NBEA: variants seen among roughly 807,000 people sequenced by gnomAD.
The protein encoded by NBEA is neurobeachin, also known as lysosomal-trafficking regulator 2.
A neutral mutation model predicts 343.4 loss-of-function variants in NBEA; 44 were observed. The ratio of observed to expected loss-of-function variants is 0.13; its 90% confidence interval spans 0.10 to 0.16. The LOEUF is 0.16. NBEA is among the 10% of genes least tolerant of loss of function. The pLI, the probability that NBEA is intolerant of heterozygous loss-of-function variation, is 1.00. For missense variants in NBEA, 2,555 were observed against 3,631.3 expected (o/e 0.70, Z 7.62); for synonymous variants, 1,175 against 1,238.7 (o/e 0.95, Z 1.08).
At chr13:35,658,339 A>G (rs1172802365) in intron 55 of NBEA, among the ~76,000 whole-genome samples, 2 of 152,210 alleles carry the variant, frequency 1.3e-5, no homozygotes, top group Non-Finnish European at 2.9e-5. Context: ...CCATCCTGTC[A>G]AGACTTTATT....
At chr13:35,545,004 T>C (rs2079001312) in intron 41 of NBEA, among the ~76,000 whole-genome samples, 1 of 152,104 alleles carries the variant, frequency 6.6e-6, no homozygotes. Context: ...ACCACAAACC[T>C]CAAGTATACA....
intron 1 of NBEA, among the ~76,000 whole-genome samples, chr13:34,975,997 TG>T (rs2060160494): frequency 6.6e-6 from 1 of 152,180 alleles, no homozygotes; most frequent in Non-Finnish European, 1.5e-5. Context: ...CTACAACCAT[TG>T]TGGAAAACAG....
chr13:35,180,252 T>C (rs2071219293), intron 28 of NBEA, among the ~76,000 whole-genome samples: 1 of 151,774 alleles, frequency 6.6e-6, no homozygotes, highest in South Asian at 2.1e-4. Context: ...CTGCTTTCAG[T>C]TTGGTTTGAA....
At chr13:35,273,620 G>A (rs529264193) in intron 34 of NBEA, among the ~76,000 whole-genome samples, 31 of 151,990 alleles carry the variant, frequency 2.0e-4, no homozygotes, top group African/African-American at 7.2e-4. Flanking sequence ...CTGCTAGCAA[G>A]ACTAATAAAG....
At chr13:34,984,774 C>G (rs1055064052) in intron 1 of NBEA, among the ~76,000 whole-genome samples, 3 of 150,748 alleles carry the variant, frequency 2.0e-5, no homozygotes, top group African/African-American at 7.3e-5. Flanking sequence ...AGTTGGATTC[C>G]TAGGTATTTT....
chr13:35,473,110 A>G (rs1371342522), intron 41 of NBEA, among the ~76,000 whole-genome samples: 1 of 152,192 alleles, frequency 6.6e-6, no homozygotes, highest in Non-Finnish European at 1.5e-5. Flanking sequence ...TAAATATTGT[A>G]TTCTTTGGAT....
intron 36 of NBEA, among the ~76,000 whole-genome samples, chr13:35,328,568 T>C (rs1469448718): frequency 6.6e-6 from 1 of 151,958 alleles, no homozygotes; most frequent in Admixed American, 6.6e-5. Context: ...CATGATGTGA[T>C]TATCATGCAT....
intron 38 of NBEA, among the ~76,000 whole-genome samples, chr13:35,389,984 T>TGC (rs1225648177): frequency 6.6e-6 from 1 of 151,342 alleles, no homozygotes; most frequent in Non-Finnish European, 1.5e-5. Flanking sequence ...TGTGTGTGTG[T>TGC]GTGTGTGTGT....
chr13:35,288,190 T>TA (rs1285672263), intron 34 of NBEA, among the ~76,000 whole-genome samples: 2 of 152,042 alleles, frequency 1.3e-5, no homozygotes, highest in Non-Finnish European at 2.9e-5. Context: ...GCTTAAGAGT[T>TA]ACTTATAGCA....
At chr13:35,646,416 T>C (rs1299922661) in intron 51 of NBEA, 68 bp downstream of exon 51, 7 of 1,187,622 alleles carry the variant, frequency 5.9e-6, no homozygotes, top group Non-Finnish European at 8.6e-6. Context: ...GCAAATAAAA[T>C]TGTGATTTTA....
At chr13:35,100,227 A>G (rs542906541) in intron 11 of NBEA, among the ~76,000 whole-genome samples, 1 of 152,190 alleles carries the variant, frequency 6.6e-6, no homozygotes, top group South Asian at 2.1e-4. Flanking sequence ...TATATATTAC[A>G]TGTCTTTATA....
chr13:35,113,669 AT>A (rs1027534321), intron 13 of NBEA, among the ~76,000 whole-genome samples: 6 of 152,102 alleles, frequency 3.9e-5, no homozygotes, highest in Admixed American at 3.3e-4. Flanking sequence ...GGACTCATGT[AT>A]TCAATGTGTT....
chr13:35,259,248 T>C (rs2032978813), intron 34 of NBEA, among the ~76,000 whole-genome samples: 1 of 152,214 alleles, frequency 6.6e-6, no homozygotes, highest in Admixed American at 6.5e-5. Context: ...ACTCAACTGG[T>C]AAAATTTCCT....
chr13:35,150,333 G>C (rs890109860), intron 18 of NBEA, among the ~76,000 whole-genome samples: 5 of 152,138 alleles, frequency 3.3e-5, no homozygotes, highest in African/African-American at 1.2e-4. Flanking sequence ...AGCAGAAAGA[G>C]TCTTCAACAT....
At chr13:35,244,109 A>C (rs1357835210) in intron 34 of NBEA, among the ~76,000 whole-genome samples, 1 of 151,958 alleles carries the variant, frequency 6.6e-6, no homozygotes, top group Non-Finnish European at 1.5e-5. Flanking sequence ...CAGTGGAATG[A>C]AACTAGAAAT....
rs1716439146 is a variant in NBEA, at chr13:35,210,046, A to C, written c.5522-1007A>C. Among the ~76,000 whole-genome samples the C allele has an allele frequency of 2.6e-5, 4 of 152,188 alleles. No individual in the cohort carries two copies. In the South Asian group the frequency reaches 6.2e-4, roughly 24 times the overall value. ...TCTTTTACTAAAGTATATACGTTAA[A>C]AGTGTAAAGGTTTTAAAAATATGAA... On this transcript the variant is annotated intron_variant, in intron 32 of 58. Transcript: ENST00000379939.
chr13:35,019,642 G>T (rs985191118), intron 1 of NBEA, among the ~76,000 whole-genome samples: 2 of 151,832 alleles, frequency 1.3e-5, no homozygotes, highest in Non-Finnish European at 1.5e-5. Flanking sequence ...CCAGATCTGG[G>T]GTTTTGTTTG....
chr13:35,322,836 A>C (rs991911930), intron 36 of NBEA, among the ~76,000 whole-genome samples: 15 of 152,178 alleles, frequency 9.9e-5, no homozygotes, highest in Non-Finnish European at 2.9e-5. Context: ...ATTTGTGATC[A>C]TAAATTGTAT....
chr13:35,621,280 C>T (rs2082978663), intron 48 of NBEA, among the ~76,000 whole-genome samples: 1 of 152,138 alleles, frequency 6.6e-6, no homozygotes, highest in African/African-American at 2.4e-5. Context: ...AGAACACTGC[C>T]TGGCACATAA....
Sources: allele counts gnomAD v4.1 joint callset (sites outside exome capture counted in the v4.1 genomes callset), GRCh38; gene constraint gnomAD v4.1.1; transcripts MANE v1.5; gene names NCBI Gene and HGNC (gene_info 2026-07-23, HGNC 2026-07-21).